AUTS2: variants seen among roughly 807,000 people sequenced by gnomAD.
AUTS2 encodes the protein activator of transcription and developmental regulator AUTS2.
Under a neutral mutation model 112.4 loss-of-function variants are expected in AUTS2, and 17 were observed. The ratio of observed to expected loss-of-function variants is 0.15; its 90% CI spans 0.10 to 0.23. AUTS2 has a LOEUF of 0.23. Ranked by LOEUF, AUTS2 falls within the 10% of genes least tolerant of loss-of-function variation. The pLI, the probability that AUTS2 is intolerant of heterozygous loss-of-function variation, is 1.00. For missense variants in AUTS2, 1,510 were observed against 1,701.6 expected (o/e 0.89, Z 1.98); for synonymous variants, 751 against 702.7 (o/e 1.07, Z -1.09).
At chr7:70,617,302 A>T (rs760154007) in intron 5 of AUTS2, among the ~76,000 whole-genome samples, 2 of 152,216 alleles carry the variant, frequency 1.3e-5, no homozygotes, top group Non-Finnish European at 2.9e-5. Flanking sequence ...TCCTTCAGGT[A>T]TGACAGTGGA....
At position 70,787,297 on chromosome 7, in the gene AUTS2, G is replaced by A. The variant is rs140914046; in HGVS notation, c.2397G>A (p.Thr799=). 231 of 1,614,228 alleles carry A rather than the reference G, an allele frequency of 1.4e-4. No individual in the cohort carries two copies. In the East Asian group the frequency reaches 3.1e-3, roughly 21 times the overall value. The part of the protein sequence containing the change: ...PHEPWNRLHR[T]PPSFPTPPPW... Reference sequence around the variant, plus strand: ...AACCCTGGAACCGGCTGCACCGAACGCCTCCGTCGTTCCCGACCCCTCCGC... The same window carrying A: ...AACCCTGGAACCGGCTGCACCGAACACCTCCGTCGTTCCCGACCCCTCCGC... Residue 799 remains threonine, a synonymous_variant, in exon 18 of 19, where the codon ACG becomes ACA. Transcript: ENST00000342771.
intron 1 of AUTS2, among the ~76,000 whole-genome samples, chr7:69,638,200 A>G (rs1229367035): frequency 6.6e-6 from 1 of 151,996 alleles, no homozygotes; most frequent in Non-Finnish European, 1.5e-5. Flanking sequence ...ATTTTTTTGT[A>G]GAGACAAGGT....
chr7:69,606,287 G>A (rs1163132543), intron 1 of AUTS2, among the ~76,000 whole-genome samples: 1 of 152,174 alleles, frequency 6.6e-6, no homozygotes, highest in Non-Finnish European at 1.5e-5. Context: ...TTTAAAGAAT[G>A]TTAGGATTAG....
intron 5 of AUTS2, among the ~76,000 whole-genome samples, chr7:70,630,317 T>C (rs1006168569): frequency 6.6e-6 from 1 of 152,124 alleles, no homozygotes; most frequent in Non-Finnish European, 1.5e-5. Context: ...ACAGCCTATT[T>C]TCCCTCTTTG....
At position 70,417,303 on chromosome 7, in the gene AUTS2, A is replaced by G. The variant is rs1030467371; in HGVS notation, c.661-18449A>G. Among the ~76,000 whole-genome samples, 8 of 152,334 alleles carry G rather than the reference A, an allele frequency of 5.3e-5. No individual in the cohort carries two copies. In the South Asian group the frequency reaches 1.2e-3, roughly 24 times the overall value. On this transcript the variant is annotated intron_variant, in intron 4 of 18. Transcript: ENST00000342771. ...AGGAAAACCATTTTGCAATGTGACT[A>G]TTCGCATCACAAAACCATCAGGGCG... is the stretch of plus-strand genomic sequence containing the variant.
intron 1 of AUTS2, among the ~76,000 whole-genome samples, chr7:69,769,237 C>T (rs544416069): frequency 1.3e-5 from 2 of 152,028 alleles, no homozygotes; most frequent in African/African-American, 2.4e-5. Flanking sequence ...GAACAAAGAA[C>T]GTAAATCATA....
At chr7:70,342,963 G>C (rs75604166) in intron 4 of AUTS2, among the ~76,000 whole-genome samples, 2 of 152,104 alleles carry the variant, frequency 1.3e-5, no homozygotes, top group Non-Finnish European at 2.9e-5. Flanking sequence ...ATACAGGATT[G>C]TTTCTAAGAA....
At chr7:70,142,841 G>A (rs1806935774) in intron 4 of AUTS2, among the ~76,000 whole-genome samples, 1 of 152,100 alleles carries the variant, frequency 6.6e-6, no homozygotes, top group Non-Finnish European at 1.5e-5. Flanking sequence ...TATCCTTGTT[G>A]GAGATTTCCA....
chr7:70,529,468 C>G (rs1221536420), intron 5 of AUTS2, among the ~76,000 whole-genome samples: 1 of 152,192 alleles, frequency 6.6e-6, no homozygotes, highest in African/African-American at 2.4e-5. Flanking sequence ...AACTTGAGCC[C>G]AGGCTGAATT....
rs1247710576 is a variant in AUTS2, at chr7:70,268,394, T to C, written c.660+133823T>C. On this transcript the variant is annotated intron_variant, in intron 4 of 18. Transcript: ENST00000342771. Reference sequence around the variant, plus strand: ...ACCCATGGCTATTTACTCTTTCTTATGTAAGTCCAATAAACTTCCTTTCTA... The same window carrying C: ...ACCCATGGCTATTTACTCTTTCTTACGTAAGTCCAATAAACTTCCTTTCTA... Among the ~76,000 whole-genome samples, 11 of 152,236 alleles carry C rather than the reference T, an allele frequency of 7.2e-5. No individual in the cohort carries two copies. The South Asian group carries it at 1.9e-3, about 26-fold the overall frequency.
At chr7:70,718,754 A>G (rs1390750705) in intron 6 of AUTS2, among the ~76,000 whole-genome samples, 1 of 152,214 alleles carries the variant, frequency 6.6e-6, no homozygotes, top group African/African-American at 2.4e-5. Context: ...TACTTCAAAC[A>G]AAGAAACCTT....
At chr7:70,416,485 C>G in intron 4 of AUTS2, among the ~76,000 whole-genome samples, 1 of 152,188 alleles carries the variant, frequency 6.6e-6, no homozygotes, top group Admixed American at 6.5e-5. Context: ...TCAATGCTCT[C>G]TCTCTCCTCT....
intron 5 of AUTS2, among the ~76,000 whole-genome samples, chr7:70,568,502 CAG>C (rs1357046657): frequency 6.6e-6 from 1 of 152,164 alleles, no homozygotes; most frequent in Non-Finnish European, 1.5e-5. Context: ...GAACTTTTTA[CAG>C]AAGAGCCAGG....
intron 1 of AUTS2, among the ~76,000 whole-genome samples, chr7:69,687,906 A>G (rs1056227339): frequency 1.3e-5 from 2 of 152,176 alleles, no homozygotes; most frequent in African/African-American, 2.4e-5. Context: ...TGAAAACACA[A>G]AAGAGGATTA....
At chr7:70,110,576 A>T (rs1367875363) in intron 2 of AUTS2, among the ~76,000 whole-genome samples, 14 of 152,168 alleles carry the variant, frequency 9.2e-5, no homozygotes, top group Non-Finnish European at 1.8e-4. Context: ...TTCTACTGCT[A>T]TGAAGTCCAC....
At chr7:70,569,431 G>T (rs1014671334) in intron 5 of AUTS2, among the ~76,000 whole-genome samples, 2 of 152,140 alleles carry the variant, frequency 1.3e-5, no homozygotes, top group Non-Finnish European at 2.9e-5. Flanking sequence ...TGATCTGGCC[G>T]CACTTGTATC....
chr7:70,653,258 C>T (rs769979922), intron 5 of AUTS2, among the ~76,000 whole-genome samples: 1 of 152,092 alleles, frequency 6.6e-6, no homozygotes, highest in African/African-American at 2.4e-5. Context: ...AAATTAATAA[C>T]CCTATCTCTC....
chr7:70,350,762 TC>T (rs1408441792), intron 4 of AUTS2, among the ~76,000 whole-genome samples: 2 of 152,122 alleles, frequency 1.3e-5, no homozygotes, highest in East Asian at 3.9e-4. Context: ...AAATTTACTC[TC>T]CTGGCAAATT....
intron 6 of AUTS2, among the ~76,000 whole-genome samples, chr7:70,726,318 T>C (rs1487539668): frequency 6.6e-6 from 1 of 150,986 alleles, no homozygotes. Flanking sequence ...ACCATACATA[T>C]ATTTGAATGA....
Sources: allele counts gnomAD v4.1 joint callset (sites outside exome capture counted in the v4.1 genomes callset), GRCh38; gene constraint gnomAD v4.1.1; transcripts MANE v1.5; gene names NCBI Gene and HGNC (gene_info 2026-07-23, HGNC 2026-07-21).